The following PAK5 variants were observed in gnomAD, a reference collection of about 807,000 sequenced individuals.
PAK5 encodes p21 (RAC1) activated kinase 5, also known as serine/threonine-protein kinase PAK 5.
In PAK5, 16 loss-of-function variants were observed where a neutral mutation model predicts 65.9. That is an observed-to-expected ratio of 0.24 (90% confidence interval 0.16 to 0.37). The LOEUF (loss-of-function observed/expected upper bound fraction) is 0.37, where lower values mean the gene tolerates loss of function less well. Ranked by LOEUF, PAK5 falls within the 10% of genes least tolerant of loss-of-function variation. The pLI, the probability that PAK5 is intolerant of heterozygous loss-of-function variation, is 1.00. For synonymous variants in PAK5, 371 were observed against 354.9 expected (o/e 1.05, Z -0.51); for missense variants, 785 against 903.9 (o/e 0.87, Z 1.69).
At chr20:9,562,755 G>A in intron 6 of PAK5, 136 bp downstream of exon 6, 1 of 710,800 alleles carries the variant, frequency 1.4e-6, no homozygotes, top group South Asian at 1.9e-5. Flanking sequence ...GCCCTCTGGG[G>A]AATGTAGGGG....
At chr20:9,652,216 C>T (rs1316657296) in intron 2 of PAK5, among the ~76,000 whole-genome samples, 1 of 152,144 alleles carries the variant, frequency 6.6e-6, no homozygotes, top group Non-Finnish European at 1.5e-5. Context: ...AATCACATTA[C>T]AGAGGGGATG....
chr20:9,685,032 C>A (rs1368663695), intron 2 of PAK5, among the ~76,000 whole-genome samples: 1 of 152,180 alleles, frequency 6.6e-6, no homozygotes, highest in Admixed American at 6.5e-5. Context: ...TTCATTTAAT[C>A]TCTTTCCTTC....
At chr20:9,560,762 T>A (rs774409336) in intron 6 of PAK5, among the ~76,000 whole-genome samples, 1 of 152,208 alleles carries the variant, frequency 6.6e-6, no homozygotes, top group Non-Finnish European at 1.5e-5. Flanking sequence ...GATTAACATA[T>A]GAAGAGCTTG....
intron 1 of PAK5, among the ~76,000 whole-genome samples, chr20:9,760,134 A>G (rs1042308185): frequency 2.6e-5 from 4 of 152,224 alleles, no homozygotes; most frequent in African/African-American, 9.6e-5. Context: ...AACATGAGAC[A>G]TATTTACTGA....
intron 1 of PAK5, among the ~76,000 whole-genome samples, chr20:9,779,352 A>ATATATATATATAAT (rs1555925860): frequency 2.2e-5 from 3 of 134,514 alleles, no homozygotes; most frequent in Admixed American, 7.3e-5. Flanking sequence ...CATTTGTCTA[A>ATATATATATATAAT]TATATATATA....
At chr20:9,598,265 C>T (rs1052380080) in intron 3 of PAK5, among the ~76,000 whole-genome samples, 1 of 152,174 alleles carries the variant, frequency 6.6e-6, no homozygotes, top group African/African-American at 2.4e-5. Context: ...CAGCTTCATC[C>T]ATGTCCCTGC....
chr20:9,729,158 C>T (rs2048307872), intron 1 of PAK5, among the ~76,000 whole-genome samples: 2 of 151,836 alleles, frequency 1.3e-5, no homozygotes, highest in East Asian at 1.9e-4. Flanking sequence ...TGGTGTGAAC[C>T]CAGGGGGTGG....
chr20:9,583,130 G>A (rs1485839714), intron 3 of PAK5, among the ~76,000 whole-genome samples: 2 of 152,120 alleles, frequency 1.3e-5, no homozygotes, highest in Non-Finnish European at 2.9e-5. Context: ...AGCAAACAGA[G>A]CTCCGAAATA....
intron 5 of PAK5, among the ~76,000 whole-genome samples, chr20:9,564,525 G>A (rs992934351): frequency 6.6e-6 from 1 of 152,204 alleles, no homozygotes; most frequent in African/African-American, 2.4e-5. Context: ...TTCATATCTA[G>A]CAGATGAACA....
chr20:9,802,914 A>ATG (rs2049187675), intron 1 of PAK5, among the ~76,000 whole-genome samples: 1 of 58,834 alleles, frequency 1.7e-5, no homozygotes. Flanking sequence ...GTATGTGTAT[A>ATG]TATATATATA....
At chr20:9,735,782 G>A (rs1431150633) in intron 1 of PAK5, among the ~76,000 whole-genome samples, 1 of 151,946 alleles carries the variant, frequency 6.6e-6, no homozygotes, top group Non-Finnish European at 1.5e-5. Flanking sequence ...CAGCACTTTG[G>A]GAGGCTGAGG....
At chr20:9,680,670 G>A (rs1007667174) in intron 2 of PAK5, among the ~76,000 whole-genome samples, 12 of 152,118 alleles carry the variant, frequency 7.9e-5, no homozygotes, top group Non-Finnish European at 1.3e-4. Flanking sequence ...AAAGTCCTCC[G>A]GAGAGAATCC....
chr20:9,746,203 G>A (rs1205633710), intron 1 of PAK5, among the ~76,000 whole-genome samples: 3 of 151,948 alleles, frequency 2.0e-5, no homozygotes, highest in Non-Finnish European at 4.4e-5. Flanking sequence ...CCATAGCCCT[G>A]CCCTGCCCCA....
At chr20:9,758,360 G>A (rs955853823) in intron 1 of PAK5, among the ~76,000 whole-genome samples, 7 of 152,212 alleles carry the variant, frequency 4.6e-5, no homozygotes, top group African/African-American at 1.2e-4. Context: ...GAGTGGCATC[G>A]AACACATGAA....
At chr20:9,650,578 C>A (rs986018539) in intron 2 of PAK5, among the ~76,000 whole-genome samples, 1 of 152,208 alleles carries the variant, frequency 6.6e-6, no homozygotes, top group African/African-American at 2.4e-5. Flanking sequence ...AGTTTTCCCT[C>A]CAGTTTTCAG....
At chr20:9,709,257 G>A (rs573854103) in intron 2 of PAK5, among the ~76,000 whole-genome samples, 86 of 152,246 alleles carry the variant, frequency 5.6e-4, no homozygotes, top group Middle Eastern at 3.4e-3. Context: ...ATTTCTCTAA[G>A]TATATGAGGA....
At chr20:9,692,558 A>AT (rs1181341239) in intron 2 of PAK5, among the ~76,000 whole-genome samples, 1 of 152,196 alleles carries the variant, frequency 6.6e-6, no homozygotes, top group African/African-American at 2.4e-5. Flanking sequence ...ACTCTCAGTG[A>AT]TTTTTTTAAA....
In PAK5 at chr20:9,704,310, C is replaced by A. The variant is rs1273680070; in HGVS notation, c.-12+6976G>T. Reference sequence around the variant, plus strand: ...GAGCATGCCTTAAGTTGGCAATGAACCATCCTCAGCTTAACATTTTCTTTC... The same window carrying A: ...GAGCATGCCTTAAGTTGGCAATGAAACATCCTCAGCTTAACATTTTCTTTC... On this transcript the variant is annotated intron_variant, in intron 2 of 9. Coordinates refer to ENST00000353224, the MANE Select transcript of PAK5 (RefSeq NM_177990.4). Among the ~76,000 whole-genome samples the A allele has an allele frequency of 2.0e-5, 3 of 152,124 alleles. No individual in the cohort carries two copies. The East Asian group carries it at 5.8e-4, about 29-fold the overall frequency.
chr20:9,577,107 G>A (rs1016124560), intron 4 of PAK5, among the ~76,000 whole-genome samples: 1 of 152,152 alleles, frequency 6.6e-6, no homozygotes, highest in Non-Finnish European at 1.5e-5. Flanking sequence ...TCCACATCTG[G>A]CAGTTTTCAT....
Sources: gnomAD v4.1 joint callset for allele counts (sites outside exome capture counted in the v4.1 genomes callset) on GRCh38, gnomAD v4.1.1 for gene constraint, MANE v1.5 for transcripts, NCBI Gene and HGNC (gene_info 2026-07-23, HGNC 2026-07-21) for gene names.